Variants in KDM2A observed in about 807,000 individuals in gnomAD.
KDM2A encodes lysine-specific demethylase 2A.
KDM2A carries 3 observed loss-of-function variants against 137.3 expected under a neutral mutation model. The observed-to-expected ratio is 0.02, with a 90% CI of 0.01 to 0.06. KDM2A has a LOEUF of 0.06. Ranked by LOEUF, KDM2A falls within the 10% of genes least tolerant of loss-of-function variation. The pLI is 1.00. For synonymous variants in KDM2A, 512 were observed against 541.5 expected, an observed-to-expected ratio of 0.95 and a Z score of 0.76; for missense variants, 738 against 1,510.6, an observed-to-expected ratio of 0.49 and a Z score of 8.48.
chr11:67,154,109 TG>T (rs1160730338), intron 2 of KDM2A, among the ~76,000 whole-genome samples: 1 of 152,208 alleles, frequency 6.6e-6, no homozygotes, highest in Non-Finnish European at 1.5e-5. Flanking sequence ...AGCTCTCACT[TG>T]ACTTCAGTCC....
At chr11:67,185,572 G>C (rs1008764768) in intron 5 of KDM2A, among the ~76,000 whole-genome samples, 2 of 151,688 alleles carry the variant, frequency 1.3e-5, no homozygotes, top group Non-Finnish European at 2.9e-5. Flanking sequence ...GGAGGTTGCA[G>C]TGAGACAAGG....
At chr11:67,163,441 A>G (rs1856677451) in intron 2 of KDM2A, among the ~76,000 whole-genome samples, 1 of 152,188 alleles carries the variant, frequency 6.6e-6, no homozygotes, top group South Asian at 2.1e-4. Flanking sequence ...TTGGAATGAT[A>G]AAGAAGGACA....
chr11:67,207,747 G>C, intron 6 of KDM2A, 59 bp downstream of exon 6: 1 of 1,366,158 alleles, frequency 7.3e-7, no homozygotes. Flanking sequence ...TTTTCGGCTG[G>C]ACGTTGGTAA....
chr11:67,210,341 A>G (rs1857943558), intron 6 of KDM2A, among the ~76,000 whole-genome samples: 1 of 152,146 alleles, frequency 6.6e-6, no homozygotes, highest in African/African-American at 2.4e-5. Context: ...TACTTTTGAA[A>G]AAAAAAACAA....
chr11:67,234,691 C>CA (rs979192247), intron 12 of KDM2A, among the ~76,000 whole-genome samples: 22 of 152,240 alleles, frequency 1.4e-4, no homozygotes, highest in Non-Finnish European at 2.2e-4. Context: ...CTCACCTCCA[C>CA]AAAAATACAA....
intron 2 of KDM2A, among the ~76,000 whole-genome samples, chr11:67,165,933 C>A (rs1326964478): frequency 6.6e-6 from 1 of 152,018 alleles, no homozygotes; most frequent in Non-Finnish European, 1.5e-5. Flanking sequence ...TTTCATTAAT[C>A]CTTATATTCT....
chr11:67,254,836 G>A lies in KDM2A; in HGVS notation c.3308-38G>A. Reference sequence around the variant, plus strand: ...ATTGAATGGCAGAGGAAAGCTGTGTGTATGTGAGCACTGTCATTATGTCCA... The same window carrying A: ...ATTGAATGGCAGAGGAAAGCTGTGTATATGTGAGCACTGTCATTATGTCCA... On this transcript the variant is annotated intron_variant, in intron 20 of 20. Transcript: ENST00000529006. This position sits in a 1 kb window ranked among gnomAD's most constrained non-coding sequence, Gnocchi z 4.7. The A allele has an allele frequency of 2.5e-6, 4 of 1,570,910 alleles. No individual in the cohort carries two copies. Among genetic ancestry groups the A allele is most frequent in the East Asian group, 2.2e-5 (1 of 44,620 alleles).
intron 9 of KDM2A, among the ~76,000 whole-genome samples, chr11:67,218,476 AGCCCAGGATG>A (rs1438657516): frequency 6.6e-6 from 1 of 152,228 alleles, no homozygotes; most frequent in African/African-American, 2.4e-5. Context: ...GGCCTCATGC[AGCCCAGGATG>A]GCTTTGAATG....
chr11:67,155,605 GTTT>G (rs1856494788), intron 2 of KDM2A, among the ~76,000 whole-genome samples: 1 of 150,334 alleles, frequency 6.7e-6, no homozygotes, highest in Non-Finnish European at 1.5e-5. Context: ...CACTGGCTTG[GTTT>G]TTATTTTTAT....
intron 3 of KDM2A, among the ~76,000 whole-genome samples, chr11:67,181,012 T>G (rs1857080779): frequency 6.6e-6 from 1 of 151,318 alleles, no homozygotes; most frequent in Non-Finnish European, 1.5e-5. Flanking sequence ...ATAATTTCTG[T>G]TTAGCATTTA....
chr11:67,241,533 A>G (rs1327853225), intron 12 of KDM2A, among the ~76,000 whole-genome samples: 2 of 152,196 alleles, frequency 1.3e-5, no homozygotes, highest in African/African-American at 4.8e-5. Flanking sequence ...CAGAGCACAC[A>G]GGATTATGAG....
At chr11:67,217,171 G>A (rs1473905769) in intron 8 of KDM2A, among the ~76,000 whole-genome samples, 2 of 151,448 alleles carry the variant, frequency 1.3e-5, no homozygotes, top group Non-Finnish European at 2.9e-5. Context: ...GAACCCAGGA[G>A]GTGGAGGTTA....
chr11:67,236,594 G>T (rs543066527), intron 12 of KDM2A, among the ~76,000 whole-genome samples: 1 of 152,152 alleles, frequency 6.6e-6, no homozygotes, highest in South Asian at 2.1e-4. Flanking sequence ...AATACTTTTC[G>T]ACTTTCCTGT....
At chr11:67,216,596 T>G (rs1231626050) in intron 8 of KDM2A, among the ~76,000 whole-genome samples, 1 of 152,244 alleles carries the variant, frequency 6.6e-6, no homozygotes, top group Non-Finnish European at 1.5e-5. Context: ...AAGTAGGAAC[T>G]AGAATGAGAA....
rs566615996 is a variant in KDM2A, at chr11:67,215,553, A to T, written c.593+107A>T. ...TTTGCTCTGTGTCTTGAATGATTAA[A>T]AAGATGAATTATTTAAAGATGAGAC... On this transcript the variant is annotated intron_variant, in intron 7 of 20. Coordinates refer to ENST00000529006, the MANE Select transcript of KDM2A (RefSeq NM_012308.3). The T allele has an allele frequency of 1.8e-5, 13 of 733,488 alleles. No individual in the cohort carries two copies. The African/African-American group carries it at 1.9e-4, about 11-fold the overall frequency. 45.4% of individuals were successfully genotyped at this position (733,488 alleles called of 1,614,324 possible).
chr11:67,161,458 T>A (rs2136316944), intron 2 of KDM2A, among the ~76,000 whole-genome samples: 1 of 152,306 alleles, frequency 6.6e-6, no homozygotes, highest in South Asian at 2.1e-4. Context: ...AGTACAGTGT[T>A]TTGCACAGTT....
intron 5 of KDM2A, chr11:67,195,623 C>G (rs957235766): frequency 1.9e-5 from 3 of 154,454 alleles, no homozygotes; most frequent in African/African-American, 7.2e-5. Context: ...CTTTGCAAAA[C>G]TCTTTATTTC....
At chr11:67,141,966 T>C (rs979335292) in intron 2 of KDM2A, among the ~76,000 whole-genome samples, 5 of 152,190 alleles carry the variant, frequency 3.3e-5, no homozygotes, top group African/African-American at 1.2e-4. Context: ...TTTAATATTC[T>C]CCAATTCCAT....
Position 67,121,292 on chromosome 11 carries a change from A to C in KDM2A, c.-25A>C. ...GGCAGCCCTGGAGTGGTTTCTTTACAGTAATTTCAACAGAAGAGTGAGAGA... is the reference window on the plus strand; with the variant it reads ...GGCAGCCCTGGAGTGGTTTCTTTACCGTAATTTCAACAGAAGAGTGAGAGA... On this transcript the variant is annotated 5_prime_UTR_variant, in exon 2 of 21. Coordinates refer to ENST00000529006, the MANE Select transcript of KDM2A (RefSeq NM_012308.3). 1 of 1,611,562 alleles carries C rather than the reference A, an allele frequency of 6.2e-7. No homozygotes were observed. Among genetic ancestry groups the C allele is most frequent in the Middle Eastern group, 1.7e-4 (1 of 6,056 alleles).
Sources: gnomAD v4.1 joint callset for allele counts (sites outside exome capture counted in the v4.1 genomes callset) on GRCh38, gnomAD v4.1.1 for gene constraint, Gnocchi (gnomAD v3.1) non-coding constraint, MANE v1.5 for transcripts, NCBI Gene and HGNC (gene_info 2026-07-23, HGNC 2026-07-21) for gene names.